Variants in RIPPLY2 observed in about 807,000 individuals in gnomAD.
RIPPLY2 encodes protein ripply2.
RIPPLY2 carries 20 observed loss-of-function variants against 17.7 expected under a neutral mutation model. That is an observed-to-expected ratio of 1.13 (90% CI 0.79 to 1.64). RIPPLY2 has a LOEUF of 1.64. RIPPLY2 is among the 40% of genes most tolerant of loss of function. The probability of loss-of-function intolerance (pLI) is 0.00; values close to 1 mark genes in which losing one functional copy is unlikely to be tolerated. For missense variants in RIPPLY2, 213 were observed against 169.8 expected, an observed-to-expected ratio of 1.25 and a Z score of -1.41; for synonymous variants, 69 against 63.9, an observed-to-expected ratio of 1.08 and a Z score of -0.38.
Position 83,853,699 on chromosome 6 carries a change from G to C in RIPPLY2, c.100G>C (p.Ala34Pro). 6.2e-7 allele frequency: 1 copy of C among 1,613,588 alleles called. No homozygotes were observed. The highest frequency in any genetic ancestry group is 8.5e-7 in the Non-Finnish European group (1 of 1,179,818). The change falls in exon 2 of 4, where the codon GCA becomes CCA. Residue 34 changes from alanine to proline, a missense_variant. Ala to Pro is a conservative substitution (Grantham distance 27). Transcript: ENST00000369689. ...TRRAGADSGY[A>P]GFWRPWVDAG... ...TTGTGCTCCCCTATCCCGCAGATAC[G>C]CAGGCTTCTGGAGACCCTGGGTGGA... is the stretch of plus-strand genomic sequence containing the variant.
intron 3 of RIPPLY2, 80 bp downstream of exon 3, chr6:83,854,241 G>A: frequency 8.8e-7 from 1 of 1,134,590 alleles, no homozygotes. Context: ...GCCCAGCTCC[G>A]CAGCTGGTCC....
At chr6:83,855,985 G>C (rs2099454926) in intron 3 of RIPPLY2, 1 of 152,192 alleles carries the variant, frequency 6.6e-6, no homozygotes, top group African/African-American at 2.4e-5. Context: ...GGGTTTGCCA[G>C]TTCCAGTTAC....
At position 83,853,758 on chromosome 6, in the gene RIPPLY2, C is replaced by A. The variant is rs769198703; in HGVS notation, c.159C>A (p.Asn53Lys). 10 of 1,612,910 alleles carry A rather than the reference C, an allele frequency of 6.2e-6. No individual in the cohort carries two copies. In the South Asian group the frequency reaches 7.7e-5, roughly 12 times the overall value. The change falls in exon 2 of 4, where the codon AAC (asparagine) becomes AAA (lysine). Residue 53 changes from asparagine to lysine, a missense_variant. Asn to Lys is a moderately conservative substitution (Grantham distance 94). Transcript: ENST00000369689. Reference protein sequence around the residue: ...AGGKKEEETPNHAAEAMPDGP... With the variant: ...AGGKKEEETPKHAAEAMPDGP... ...GCAAGAAAGAAGAGGAGACGCCGAACCACGCCGCGGAGGCGGTGAGTGAGC... is the reference window on the plus strand; with the variant it reads ...GCAAGAAAGAAGAGGAGACGCCGAAACACGCCGCGGAGGCGGTGAGTGAGC...
upstream of RIPPLY2, chr6:83,853,234 G>T (rs989012483): frequency 2.8e-5 from 16 of 574,096 alleles, no homozygotes; most frequent in Non-Finnish European, 3.6e-5. Context: ...GGCTCAGCCC[G>T]GTGCGCCTTC....
In RIPPLY2 at chr6:83,853,453, G is replaced by A; in HGVS notation, c.37G>A (p.Gly13Arg). 6.5e-7 allele frequency: 1 copy of A among 1,543,058 alleles called. No homozygotes were observed. The highest frequency in any genetic ancestry group is 1.4e-5 in the African/African-American group (1 of 72,988). The change falls in exon 1 of 4, where the codon GGA becomes AGA. Residue 13 changes from glycine to arginine, a missense_variant. Physicochemically the swap from Gly to Arg is moderately radical, Grantham distance 125 (BLOSUM62 -2). Coordinates refer to ENST00000369689, the MANE Select transcript of RIPPLY2 (RefSeq NM_001009994.3). ...GGGAGGCGCAGAGGGTACAGAGAGTGGAGCTGCGGCGTGCGCGGCCACCGA... is the reference window on the plus strand; with the variant it reads ...GGGAGGCGCAGAGGGTACAGAGAGTAGAGCTGCGGCGTGCGCGGCCACCGA... The part of the protein sequence containing the change: ...NAGGAEGTES[G>R]AAACAATDGP...
At position 83,853,787 on chromosome 6, in the gene RIPPLY2, G is replaced by A. The variant is rs758680601; in HGVS notation, c.174+14G>A. On this transcript the variant is annotated intron_variant, in intron 2 of 3. Coordinates refer to ENST00000369689, the MANE Select transcript of RIPPLY2 (RefSeq NM_001009994.3). Reference sequence around the variant, plus strand: ...GCCGCGGAGGCGGTGAGTGAGCCACGCGTCTCAGGCCGCGCCTCCCACGGG... The same window carrying A: ...GCCGCGGAGGCGGTGAGTGAGCCACACGTCTCAGGCCGCGCCTCCCACGGG... 122 of 1,606,504 alleles carry A rather than the reference G, an allele frequency of 7.6e-5. No homozygotes were observed. Among genetic ancestry groups the A allele is most frequent in the Non-Finnish European group, 1.0e-4 (118 of 1,175,806 alleles).
chr6:83,856,589 T>C (rs1006243106), intron 3 of RIPPLY2: 7 of 152,228 alleles, frequency 4.6e-5, no homozygotes, highest in African/African-American at 1.7e-4. Context: ...ACATTTCATA[T>C]GATATTCACA....
Sources: allele counts gnomAD v4.1 joint callset, GRCh38; gene constraint gnomAD v4.1.1; transcripts MANE v1.5; gene names NCBI Gene and HGNC (gene_info 2026-07-23, HGNC 2026-07-21).